The following GLUD1 variants were observed in gnomAD, a reference collection of about 807,000 sequenced individuals.
The protein encoded by GLUD1 is glutamate dehydrogenase 1, mitochondrial.
A neutral mutation model predicts 56.0 loss-of-function variants in GLUD1; 22 were observed. That is an observed-to-expected ratio of 0.39 (90% CI 0.28 to 0.56). The LOEUF (loss-of-function observed/expected upper bound fraction) is 0.56, where lower values mean the gene tolerates loss of function less well. GLUD1 is among the 20% of genes least tolerant of loss of function. The probability of loss-of-function intolerance (pLI) is 0.58; values close to 1 mark genes in which losing one functional copy is unlikely to be tolerated. For missense variants in GLUD1, 451 were observed against 732.0 expected (o/e 0.62, Z 4.43); for synonymous variants, 223 against 269.9 (o/e 0.83, Z 1.70).
intron 1 of GLUD1, among the ~76,000 whole-genome samples, chr10:87,081,830 T>C (rs1358210915): frequency 2.0e-5 from 3 of 150,710 alleles, no homozygotes; most frequent in African/African-American, 7.3e-5. Flanking sequence ...CAGGGTCCTC[T>C]GCCTAGGAAA....
intron 3 of GLUD1, 80 bp downstream of exon 3, chr10:87,075,888 T>A: frequency 2.0e-6 from 2 of 999,312 alleles, no homozygotes; most frequent in Non-Finnish European, 3.2e-6. Context: ...TACTCCGGCC[T>A]GAACAACAGA....
intron 1 of GLUD1, among the ~76,000 whole-genome samples, chr10:87,090,544 C>T (rs912191235): frequency 2.0e-5 from 3 of 152,144 alleles, no homozygotes; most frequent in African/African-American, 7.2e-5. Flanking sequence ...TTCTAGTATA[C>T]TTTGGGAGAA....
chr10:87,076,019 C>A lies in GLUD1; in HGVS notation c.531G>T (p.Val177=). Residue 177 remains valine (V), a synonymous_variant, in exon 3 of 13, where the codon GTG becomes GTT. Transcript: ENST00000277865. The part of the protein sequence containing the change: ...LMTYKCAVVD[V]PFGGAKAGVK... Reference sequence around the variant, plus strand: ...CACCAGCTTTAGCACCCCCAAACGGCACATCTGAAAGAGAAGGCTGATGGT... The same window carrying A: ...CACCAGCTTTAGCACCCCCAAACGGAACATCTGAAAGAGAAGGCTGATGGT... 6.3e-7 allele frequency: 1 copy of A among 1,598,978 alleles called. No individual in the cohort carries two copies. Among genetic ancestry groups the A allele is most frequent in the Non-Finnish European group, 8.5e-7 (1 of 1,172,374 alleles).
intron 1 of GLUD1, among the ~76,000 whole-genome samples, chr10:87,087,557 C>T (rs1841412654): frequency 6.6e-6 from 1 of 152,182 alleles, no homozygotes; most frequent in African/African-American, 2.4e-5. Context: ...ACAAAAGATG[C>T]TCCTATCACT....
At chr10:87,058,778 C>G (rs902081195) in intron 10 of GLUD1, among the ~76,000 whole-genome samples, 2 of 152,120 alleles carry the variant, frequency 1.3e-5, no homozygotes, top group African/African-American at 2.4e-5. Flanking sequence ...GTAGCCCCAG[C>G]TACTTGGGAG....
intron 5 of GLUD1, among the ~76,000 whole-genome samples, chr10:87,066,751 T>C (rs1846086662): frequency 6.6e-6 from 1 of 152,252 alleles, no homozygotes; most frequent in Non-Finnish European, 1.5e-5. Flanking sequence ...TTGTAGTGAA[T>C]ACCTTGCTTA....
chr10:87,062,821 G>A lies in GLUD1; in HGVS notation c.756C>T (p.His252=), dbSNP rs534361584. 7.2e-5 allele frequency: 117 copies of A among 1,613,970 alleles called. No individual in the cohort carries two copies. Among genetic ancestry groups the A allele is most frequent in the Non-Finnish European group, 8.3e-5 (98 of 1,179,858 alleles). Residue 252 remains histidine (H), a synonymous_variant, in exon 6 of 13, where the codon CAC becomes CAT. Coordinates refer to ENST00000277865, the MANE Select transcript of GLUD1 (RefSeq NM_005271.5). ...STIGHYDINA[H]ACVTGKPISQ... is the part of the protein sequence containing the mutation. The stretch of plus-strand genomic sequence containing the variant: ...TGATGGGTTTACCAGTAACACAGGC[G>A]TGTGCATTAATATCCTGTAAGAGGG...
At chr10:87,051,913 A>G in intron 12 of GLUD1, 43 bp from the exon 13 acceptor site, 1 of 1,612,422 alleles carries the variant, frequency 6.2e-7, no homozygotes, top group Non-Finnish European at 8.5e-7. Context: ...TCCTGACTCA[A>G]GTGGCCAGGC....
At position 87,059,151 on chromosome 10, in the gene GLUD1, G is replaced by A; in HGVS notation, c.1401C>T (p.Leu467=). The change falls in exon 10 of 13, where the codon CTC becomes CTT. Residue 467 remains leucine (L), a splice_region_variant and synonymous_variant. Coordinates refer to ENST00000277865, the MANE Select transcript of GLUD1 (RefSeq NM_005271.5). The stretch of plus-strand genomic sequence containing the variant: ...GCGAACAAGATTATCGATACTCACT[G>A]AGCAAGTGGTAGTTAGAATCCCTTT... The part of the protein sequence containing the change: ...KYERDSNYHL[L]MSVQESLERK... The A allele has an allele frequency of 1.2e-6, 2 of 1,612,632 alleles. No individual in the cohort carries two copies. The highest frequency in any genetic ancestry group is 1.7e-6 in the Non-Finnish European group (2 of 1,179,964).
intron 1 of GLUD1, among the ~76,000 whole-genome samples, chr10:87,078,380 C>T (rs903371326): frequency 2.0e-5 from 3 of 152,154 alleles, no homozygotes; most frequent in Admixed American, 6.5e-5. Flanking sequence ...AAAAGAGCAC[C>T]TCTTTCTCAC....
intron 1 of GLUD1, among the ~76,000 whole-genome samples, chr10:87,087,659 T>C (rs1462716322): frequency 6.6e-6 from 1 of 152,236 alleles, no homozygotes; most frequent in Non-Finnish European, 1.5e-5. Context: ...TCTCATTATT[T>C]ACAAATGTAG....
At chr10:87,056,374 ACCTCTG>A (rs2133785446) in intron 11 of GLUD1, among the ~76,000 whole-genome samples, 1 of 150,294 alleles carries the variant, frequency 6.7e-6, no homozygotes, top group Admixed American at 6.6e-5. Context: ...GCTCACTCCA[ACCTCTG>A]CCTCCTGGGT....
intron 11 of GLUD1, among the ~76,000 whole-genome samples, chr10:87,055,586 T>C (rs1845750897): frequency 2.0e-5 from 3 of 151,962 alleles, no homozygotes; most frequent in Admixed American, 2.0e-4. Context: ...ACAGGAGACT[T>C]TCAGAGAGAG....
chr10:87,081,052 G>A (rs1446220389), intron 1 of GLUD1, among the ~76,000 whole-genome samples: 9 of 114,296 alleles, frequency 7.9e-5, no homozygotes, highest in Admixed American at 2.8e-4. Flanking sequence ...CAGCCGCCCC[G>A]TCCGGGAGGG....
At chr10:87,054,179 C>T (rs908553908) in intron 11 of GLUD1, among the ~76,000 whole-genome samples, 3 of 152,244 alleles carry the variant, frequency 2.0e-5, no homozygotes, top group East Asian at 3.9e-4. Flanking sequence ...TGGACACTTA[C>T]TGAGTACATA....
intron 4 of GLUD1, among the ~76,000 whole-genome samples, chr10:87,069,514 CAAAAAA>C (rs374019349): frequency 3.2e-5 from 2 of 62,620 alleles, no homozygotes; most frequent in Admixed American, 1.8e-4. Context: ...GACTCTGTTT[CAAAAAA>C]AAAAAAAAAA....
chr10:87,062,560 G>T, intron 6 of GLUD1, 96 bp downstream of exon 6: 1 of 980,370 alleles, frequency 1.0e-6, no homozygotes, highest in Non-Finnish European at 1.6e-6. Flanking sequence ...AGAGATTTGA[G>T]ATAACTTAAT....
intron 11 of GLUD1, among the ~76,000 whole-genome samples, chr10:87,055,853 C>G (rs953977041): frequency 6.6e-6 from 1 of 152,056 alleles, no homozygotes; most frequent in Non-Finnish European, 1.5e-5. Flanking sequence ...CGGTGGCTCA[C>G]GCCTGTAATC....
chr10:87,069,208 G>T (rs146617960), intron 4 of GLUD1, among the ~76,000 whole-genome samples: 1 of 151,322 alleles, frequency 6.6e-6, no homozygotes, highest in Non-Finnish European at 1.5e-5. Context: ...AACGAAAAAC[G>T]CAACTTAAAA....
Sources: gnomAD v4.1 joint callset for allele counts (sites outside exome capture counted in the v4.1 genomes callset) on GRCh38, gnomAD v4.1.1 for gene constraint, MANE v1.5 for transcripts, NCBI Gene and HGNC (gene_info 2026-07-23, HGNC 2026-07-21) for gene names.